ZMYND11: variants seen among roughly 807,000 people sequenced by gnomAD.
ZMYND11 encodes the protein zinc finger MYND domain-containing protein 11.
In ZMYND11, 9 loss-of-function variants were observed where a neutral mutation model predicts 84.9. The observed-to-expected ratio is 0.11, with a 90% CI of 0.06 to 0.18. The LOEUF is 0.18. Among genes scored for constraint, ZMYND11 ranks in the 10% least tolerant of loss-of-function variants. ZMYND11 has a pLI of 1.00. For missense variants in ZMYND11, 409 were observed against 761.0 expected, an observed-to-expected ratio of 0.54 and a Z score of 5.44; for synonymous variants, 250 against 244.1, an observed-to-expected ratio of 1.02 and a Z score of -0.23.
intron 2 of ZMYND11, among the ~76,000 whole-genome samples, chr10:185,937 T>C (rs950739566): frequency 4.6e-5 from 7 of 150,658 alleles, no homozygotes; most frequent in South Asian, 2.1e-4. Context: ...ATCAAAGGAG[T>C]GTTCTCCATG....
chr10:160,159 G>T (rs1213936097), intron 1 of ZMYND11, among the ~76,000 whole-genome samples: 5 of 152,136 alleles, frequency 3.3e-5, no homozygotes, highest in Non-Finnish European at 4.4e-5. Context: ...TTGTGGGTTT[G>T]GTTCCAGACC....
At chr10:230,318 C>T (rs1284716605) in intron 4 of ZMYND11, among the ~76,000 whole-genome samples, 1 of 151,292 alleles carries the variant, frequency 6.6e-6, no homozygotes, top group African/African-American at 2.5e-5. Flanking sequence ...ACTAAAAATA[C>T]AAAAATTAGC....
chr10:184,731 A>T (rs1025363456), intron 2 of ZMYND11, among the ~76,000 whole-genome samples: 1 of 152,132 alleles, frequency 6.6e-6, no homozygotes, highest in Non-Finnish European at 1.5e-5. Context: ...TCTGTTGGTC[A>T]TTCTTACGTG....
At chr10:132,655 AAAT>A (rs782573861), upstream of ZMYND11, among the ~76,000 whole-genome samples, 2 of 152,242 alleles carry the variant, frequency 1.3e-5, no homozygotes, top group Non-Finnish European at 2.9e-5. Context: ...TTAACAAAAT[AAAT>A]AATGAGACTA....
intron 1 of ZMYND11, among the ~76,000 whole-genome samples, chr10:155,409 G>T (rs1352389538): frequency 6.6e-6 from 1 of 152,156 alleles, no homozygotes; most frequent in Non-Finnish European, 1.5e-5. Flanking sequence ...AGCACTTTGG[G>T]AGACCAAAGC....
chr10:218,077 A>G (rs1946489935), intron 3 of ZMYND11, among the ~76,000 whole-genome samples: 1 of 151,464 alleles, frequency 6.6e-6, no homozygotes, highest in Non-Finnish European at 1.5e-5. Context: ...AATTAATAAG[A>G]CATACATTCA....
intron 4 of ZMYND11, among the ~76,000 whole-genome samples, chr10:224,112 T>C (rs1947650108): frequency 6.6e-6 from 1 of 152,192 alleles, no homozygotes; most frequent in South Asian, 2.1e-4. Flanking sequence ...TCTAAGAGTT[T>C]GCAGTGATTG....
Position 221,291 on chromosome 10 carries a change from A to C in ZMYND11, c.373A>C (p.Lys125Gln). 4 of 1,613,948 alleles carry C rather than the reference A, an allele frequency of 2.5e-6. No homozygotes were observed. The highest frequency in any genetic ancestry group is 3.4e-6 in the Non-Finnish European group (4 of 1,179,896). ...CDLCFRVYHS[K>Q]CLSDEFRLRD... Reference sequence around the variant, plus strand: ...CCTGTGTTTTCGTGTGTATCATTCCAAGTGTTTGTCTGATGAGTTCAGGCT... The same window carrying C: ...CCTGTGTTTTCGTGTGTATCATTCCCAGTGTTTGTCTGATGAGTTCAGGCT... The change falls in exon 4 of 15, where the codon AAG becomes CAG. Residue 125 changes from lysine to glutamine, a missense_variant. Around this residue, in one of 7 missense-constraint regions of ZMYND11, gnomAD observed 73 missense variants for 185.8 expected, o/e 0.39. Transcript: ENST00000381604.
At chr10:247,847 CTG>C (rs1019794628) in intron 12 of ZMYND11, among the ~76,000 whole-genome samples, 1 of 152,190 alleles carries the variant, frequency 6.6e-6, no homozygotes, top group African/African-American at 2.4e-5. Context: ...TTGAAGGAGA[CTG>C]TGGTTGAGCT....
intron 1 of ZMYND11, among the ~76,000 whole-genome samples, chr10:147,610 T>C (rs997598994): frequency 9.3e-5 from 14 of 150,504 alleles, no homozygotes; most frequent in Non-Finnish European, 1.9e-4. Flanking sequence ...AAGAATCAGA[T>C]CCATGAAGTT....
At chr10:187,425 G>C (rs1938947901) in intron 2 of ZMYND11, among the ~76,000 whole-genome samples, 2 of 152,144 alleles carry the variant, frequency 1.3e-5, no homozygotes, top group African/African-American at 4.8e-5. Flanking sequence ...ACAAGGTCAG[G>C]AGATCGAGAC....
intron 1 of ZMYND11, among the ~76,000 whole-genome samples, chr10:164,749 A>G (rs2131548464): frequency 6.6e-6 from 1 of 152,300 alleles, no homozygotes; most frequent in South Asian, 2.1e-4. Flanking sequence ...TTGAGAAGAA[A>G]AAAGGTAGGA....
At chr10:139,442 C>T (rs2131101062) in intron 1 of ZMYND11, among the ~76,000 whole-genome samples, 1 of 152,234 alleles carries the variant, frequency 6.6e-6, no homozygotes, top group Non-Finnish European at 1.5e-5. Context: ...CTTGCAGTGC[C>T]ATTATCAAGT....
chr10:185,821 C>A (rs7079406), intron 2 of ZMYND11, among the ~76,000 whole-genome samples: 124,322 of 137,418 alleles, frequency 0.9, 56,929 homozygotes, highest in Non-Finnish European at 0.98. Flanking sequence ...CTCAAAAAAA[C>A]AAAAAAACAA....
At position 253,396 on chromosome 10, in the gene ZMYND11, A is replaced by G. The variant is rs1953861549; in HGVS notation, c.*926A>G. Reference sequence around the variant, plus strand: ...TATCGTAAGTTAATACTAAAAGAAGAGAAAGCACTTAAGTTTCACAGAAGC... The same window carrying G: ...TATCGTAAGTTAATACTAAAAGAAGGGAAAGCACTTAAGTTTCACAGAAGC... On this transcript the variant is annotated 3_prime_UTR_variant, in exon 15 of 15. Transcript: ENST00000381604. The G allele has an allele frequency of 6.5e-6, 1 of 152,674 alleles. No individual in the cohort carries two copies. The highest frequency in any genetic ancestry group is 6.5e-5 in the Admixed American group (1 of 15,286). 9.5% of individuals were successfully genotyped at this position (152,674 alleles called of 1,614,324 possible).
intron 3 of ZMYND11, among the ~76,000 whole-genome samples, chr10:215,047 C>G (rs531243295): frequency 6.6e-6 from 1 of 152,158 alleles, no homozygotes; most frequent in Non-Finnish European, 1.5e-5. Flanking sequence ...CAAATAATGT[C>G]GTTTGCAATT....
At chr10:218,421 C>T (rs763594885) in intron 3 of ZMYND11, 5 of 272,540 alleles carry the variant, frequency 1.8e-5, no homozygotes, top group South Asian at 4.0e-5. Flanking sequence ...AGTTAAGTAG[C>T]GAGACCAAGA....
chr10:164,350 G>C (rs1843535380), intron 1 of ZMYND11, among the ~76,000 whole-genome samples: 1 of 152,032 alleles, frequency 6.6e-6, no homozygotes, highest in Admixed American at 6.6e-5. Context: ...TGACTTTCTA[G>C]GATAGGCAGG....
chr10:132,599 T>C (rs1353926635), upstream of ZMYND11, among the ~76,000 whole-genome samples: 1 of 152,240 alleles, frequency 6.6e-6, no homozygotes, highest in Non-Finnish European at 1.5e-5. Flanking sequence ...CACACTTTAT[T>C]ACAGTTACAG....
Sources: allele counts gnomAD v4.1 joint callset (sites outside exome capture counted in the v4.1 genomes callset), GRCh38; gene constraint gnomAD v4.1.1; regional missense constraint gnomAD v4.1.1; transcripts MANE v1.5; gene names NCBI Gene and HGNC (gene_info 2026-07-23, HGNC 2026-07-21).